Variants in SH3RF3 observed in about 807,000 individuals in gnomAD.
SH3RF3 encodes the protein SH3 domain containing ring finger 3, also known as E3 ubiquitin-protein ligase SH3RF3.
Under a neutral mutation model 66.3 loss-of-function variants are expected in SH3RF3, and 29 were observed. The observed-to-expected ratio is 0.44, with a 90% confidence interval of 0.33 to 0.60. The LOEUF is 0.60. Among genes scored for constraint, SH3RF3 ranks in the 20% least tolerant of loss-of-function variants. SH3RF3 has a pLI of 0.04. For synonymous variants in SH3RF3, 583 were observed against 532.0 expected, an observed-to-expected ratio of 1.10 and a Z score of -1.32; for missense variants, 1,194 against 1,190.9, an observed-to-expected ratio of 1.00 and a Z score of -0.04.
intron 1 of SH3RF3, among the ~76,000 whole-genome samples, chr2:109,295,965 T>C (rs1367308700): frequency 1.3e-5 from 2 of 152,140 alleles, no homozygotes; most frequent in Non-Finnish European, 2.9e-5. Context: ...GTGAGAGACA[T>C]TGCAGCCCTT....
At chr2:109,455,194 C>A (rs949236830) in intron 8 of SH3RF3, among the ~76,000 whole-genome samples, 1 of 152,124 alleles carries the variant, frequency 6.6e-6, no homozygotes, top group African/African-American at 2.4e-5. Flanking sequence ...GGTCATGGCC[C>A]GTCCAGGAGT....
chr2:109,194,738 G>A (rs1425803255), intron 1 of SH3RF3, among the ~76,000 whole-genome samples: 1 of 152,176 alleles, frequency 6.6e-6, no homozygotes, highest in African/African-American at 2.4e-5. Context: ...CTGCAGGCCG[G>A]GGATGCTTCC....
chr2:109,193,165 C>A (rs1339932167), intron 1 of SH3RF3, among the ~76,000 whole-genome samples: 1 of 152,230 alleles, frequency 6.6e-6, no homozygotes, highest in Non-Finnish European at 1.5e-5. Flanking sequence ...AGAGGTCTCA[C>A]ATTTTAAGAG....
chr2:109,446,947 G>C (rs1382032523), intron 7 of SH3RF3, among the ~76,000 whole-genome samples: 1 of 151,948 alleles, frequency 6.6e-6, no homozygotes, highest in African/African-American at 2.4e-5. Context: ...TGGACCGAGA[G>C]AAGGGGAGTC....
chr2:109,248,483 G>T (rs1464977259), intron 1 of SH3RF3, among the ~76,000 whole-genome samples: 2 of 152,196 alleles, frequency 1.3e-5, no homozygotes, highest in Non-Finnish European at 2.9e-5. Context: ...AGTCATTTAT[G>T]CAGGCCTGCT....
chr2:109,388,152 G>A (rs1307840837), intron 3 of SH3RF3, among the ~76,000 whole-genome samples: 1 of 152,060 alleles, frequency 6.6e-6, no homozygotes, highest in Non-Finnish European at 1.5e-5. Flanking sequence ...AAATACTTAG[G>A]TCACTTATGT....
intron 1 of SH3RF3, among the ~76,000 whole-genome samples, chr2:109,149,342 C>T (rs984011576): frequency 1.3e-5 from 2 of 152,192 alleles, no homozygotes; most frequent in Non-Finnish European, 2.9e-5. Flanking sequence ...CTCCTCTACT[C>T]CATTTAATCA....
intron 3 of SH3RF3, among the ~76,000 whole-genome samples, chr2:109,393,298 C>T (rs776823302): frequency 2.0e-5 from 3 of 152,186 alleles, no homozygotes; most frequent in Admixed American, 1.3e-4. Flanking sequence ...AGGGTGCTGC[C>T]ATTGGGAAGC....
intron 4 of SH3RF3, among the ~76,000 whole-genome samples, chr2:109,417,326 G>C (rs991297105): frequency 1.3e-5 from 2 of 152,156 alleles, no homozygotes; most frequent in African/African-American, 2.4e-5. Context: ...GACCGGCTCT[G>C]GGGAGTTCTC....
Position 109,236,320 on chromosome 2 carries a change from G to A in SH3RF3, c.573+106207G>A, listed in dbSNP as rs17035220. On this transcript the variant is annotated intron_variant, in intron 1 of 9. Transcript: ENST00000309415. ...TGCAGTGTCGGGGCAGGGGAATAATGAGCAATGCCCAGCAGTGCCTCCAGA... is the reference window on the plus strand; with the variant it reads ...TGCAGTGTCGGGGCAGGGGAATAATAAGCAATGCCCAGCAGTGCCTCCAGA... Among the ~76,000 whole-genome samples the A allele has an allele frequency of 3.1e-3, 477 of 152,276 alleles. 3 individuals are homozygous for A. The highest frequency in any genetic ancestry group is 0.011 in the African/African-American group (454 of 41,558).
At chr2:109,137,805 TTGCC>T (rs1386475777) in intron 1 of SH3RF3, among the ~76,000 whole-genome samples, 2 of 152,236 alleles carry the variant, frequency 1.3e-5, no homozygotes, top group Non-Finnish European at 2.9e-5. Flanking sequence ...CCTCCAAGCT[TTGCC>T]TGCCACTGTT....
intron 1 of SH3RF3, among the ~76,000 whole-genome samples, chr2:109,199,383 T>TCATCC (rs1678589030): frequency 1.0e-5 from 1 of 99,374 alleles, no homozygotes; most frequent in Non-Finnish European, 2.1e-5. Flanking sequence ...TGGAATGGAA[T>TCATCC]GGAATGGAAT....
At chr2:109,231,182 C>T (rs766533705) in intron 1 of SH3RF3, among the ~76,000 whole-genome samples, 9 of 152,192 alleles carry the variant, frequency 5.9e-5, no homozygotes, top group Admixed American at 1.3e-4. Flanking sequence ...GCGGCTTTGC[C>T]GAAGTCTCGG....
intron 1 of SH3RF3, among the ~76,000 whole-genome samples, chr2:109,241,960 C>T (rs570949092): frequency 1.3e-5 from 2 of 152,028 alleles, no homozygotes; most frequent in Admixed American, 6.5e-5. Context: ...CAGAGTGCTG[C>T]TTTCATGGTG....
At chr2:109,420,429 TG>T (rs1676842527) in intron 5 of SH3RF3, among the ~76,000 whole-genome samples, 1 of 152,052 alleles carries the variant, frequency 6.6e-6, no homozygotes, top group Non-Finnish European at 1.5e-5. Flanking sequence ...TTTTTGTTGT[TG>T]TTGTTGTTTT....
rs116472630 is a variant in SH3RF3 at position 109,154,249 on chromosome 2, G to A, written c.573+24136G>A. On this transcript the variant is annotated intron_variant, in intron 1 of 9. Transcript: ENST00000309415. ...TTCTGTCATTTCTGGCCTCACTTGG[G>A]TGACCACATTGGATGGAAGCTGGGA... Among the ~76,000 whole-genome samples, 1,263 of 152,298 alleles carry A rather than the reference G, an allele frequency of 8.3e-3. 22 individuals carry two copies. Among genetic ancestry groups the A allele is most frequent in the African/African-American group, 0.028 (1,182 of 41,552 alleles).
rs942535744 is a variant in SH3RF3 at position 109,311,881 on chromosome 2, G to A, written c.574-35793G>A. Among the ~76,000 whole-genome samples, 5 of 152,100 alleles carry A rather than the reference G, an allele frequency of 3.3e-5. No individual in the cohort carries two copies. In the East Asian group the frequency reaches 5.8e-4, roughly 18 times the overall value. ...AATTAAAGTTTGAAGTTGTTTTCTC[G>A]TTTTCTTACATCCACATTTTCTTCC... On this transcript the variant is annotated intron_variant, in intron 1 of 9. Coordinates refer to ENST00000309415, the MANE Select transcript of SH3RF3 (RefSeq NM_001099289.3).
At chr2:109,401,681 G>A (rs1275943635) in intron 4 of SH3RF3, among the ~76,000 whole-genome samples, 1 of 152,154 alleles carries the variant, frequency 6.6e-6, no homozygotes, top group Non-Finnish European at 1.5e-5. Context: ...TTTCCCACAG[G>A]CCCCTGAGAT....
chr2:109,414,225 G>C (rs991673637), intron 4 of SH3RF3, among the ~76,000 whole-genome samples: 2 of 152,150 alleles, frequency 1.3e-5, no homozygotes, highest in African/African-American at 4.8e-5. Context: ...CAACGATCAC[G>C]AGCCTTTGTT....
Sources: allele counts gnomAD v4.1 joint callset (sites outside exome capture counted in the v4.1 genomes callset), GRCh38; gene constraint gnomAD v4.1.1; transcripts MANE v1.5; gene names NCBI Gene and HGNC (gene_info 2026-07-23, HGNC 2026-07-21).